The following ANK2 variants were observed in gnomAD, a reference collection of about 807,000 sequenced individuals.
ANK2 encodes ankyrin 2, also known as ankyrin-2.
ANK2 carries 83 observed loss-of-function variants against 360.5 expected under a neutral mutation model. The ratio of observed to expected loss-of-function variants is 0.23; its 90% CI spans 0.19 to 0.28. The LOEUF (loss-of-function observed/expected upper bound fraction) is 0.28. ANK2 is among the 10% of genes least tolerant of loss of function. The pLI, the probability that ANK2 is intolerant of heterozygous loss-of-function variation, is 1.00. For missense variants in ANK2, 4,201 were observed against 4,795.7 expected, an observed-to-expected ratio of 0.88 and a Z score of 3.66; for synonymous variants, 1,740 against 1,759.5, an observed-to-expected ratio of 0.99 and a Z score of 0.28.
At chr4:113,109,414 T>A (rs1201090261) in intron 1 of ANK2, among the ~76,000 whole-genome samples, 1 of 152,202 alleles carries the variant, frequency 6.6e-6, no homozygotes, top group Non-Finnish European at 1.5e-5. Flanking sequence ...TGAGTTTTGT[T>A]GTAAGTCTCG....
chr4:112,739,286 G>A, the ANK2 span, among the ~76,000 whole-genome samples: 6 of 152,138 alleles, frequency 3.9e-5, no homozygotes, highest in Non-Finnish European at 7.4e-5. Context: ...TTAGAAGCAC[G>A]CCACTGCGCC....
chr4:113,104,079 A>C (rs1006907137), intron 1 of ANK2, among the ~76,000 whole-genome samples: 1 of 152,140 alleles, frequency 6.6e-6, no homozygotes, highest in African/African-American at 2.4e-5. Flanking sequence ...TCCTTTGTCC[A>C]CATTGTCATT....
At chr4:112,719,726 CAAAA>C in the ANK2 span, among the ~76,000 whole-genome samples, 5 of 101,574 alleles carry the variant, frequency 4.9e-5, no homozygotes, top group East Asian at 2.8e-4. Context: ...GACTCCGACT[CAAAA>C]AAAAAAAAAA....
chr4:113,126,404 G>C lies in ANK2; in HGVS notation c.85-48012G>C, dbSNP rs114116857. ...AGTAGTACAAACTTCCTTATTTATG[G>C]CTCCTGCCTCAAACTGGGCCAGAAT... On this transcript the variant is annotated intron_variant, in intron 1 of 45. Coordinates refer to ENST00000357077, the MANE Select transcript of ANK2 (RefSeq NM_001148.6). Among the ~76,000 whole-genome samples the C allele has an allele frequency of 9.4e-3, 1,436 of 152,238 alleles. 9 individuals are homozygous for C. The highest frequency in any genetic ancestry group is 0.015 in the Non-Finnish European group (1,001 of 68,006).
intron 2 of ANK2, among the ~76,000 whole-genome samples, chr4:113,030,940 T>C (rs2060269460): frequency 6.6e-6 from 1 of 151,752 alleles, no homozygotes; most frequent in Non-Finnish European, 1.5e-5. Context: ...GGAAGAAAAA[T>C]GGGCTTGGTG....
chr4:113,058,591 T>C lies in ANK2; in HGVS notation c.84+8779T>C, dbSNP rs187823064. ...ATAATGCTTATCCCTAAAGAATCCC[T>C]TTTTCAGATGTTCTAAATGCTTGCC... On this transcript the variant is annotated intron_variant, in intron 1 of 45. Coordinates refer to ENST00000357077, the MANE Select transcript of ANK2 (RefSeq NM_001148.6). Among the ~76,000 whole-genome samples the C allele has an allele frequency of 2.6e-4, 40 of 152,238 alleles. 1 individual carries two copies. The highest frequency in any genetic ancestry group is 2.5e-3 in the South Asian group (12 of 4,828).
chr4:112,906,441 G>A (rs1277107810), intron 2 of ANK2, among the ~76,000 whole-genome samples: 1 of 152,174 alleles, frequency 6.6e-6, no homozygotes, highest in Non-Finnish European at 1.5e-5. Flanking sequence ...CGTCTGGATA[G>A]GGAAGTTGGG....
intron 2 of ANK2, among the ~76,000 whole-genome samples, chr4:112,997,429 C>T (rs539121829): frequency 7.2e-5 from 11 of 152,212 alleles, no homozygotes; most frequent in African/African-American, 2.6e-4. Flanking sequence ...CCTCCAAAAA[C>T]TACTGATATG....
rs150072829 is a variant in ANK2, at chr4:112,952,107, G to T, written c.21+47593G>T. Among the ~76,000 whole-genome samples the T allele has an allele frequency of 2.5e-3, 378 of 152,262 alleles. 1 individual carries two copies. Among genetic ancestry groups the T allele is most frequent in the South Asian group, 4.1e-3 (20 of 4,832 alleles). The stretch of plus-strand genomic sequence containing the variant: ...TATAGTGCTTGTAACTTTATGTTAT[G>T]CAAATATTCCCACTAACGTTGATGT... On this transcript the variant is annotated intron_variant, in intron 2 of 30. Transcript: ENST00000503271.
rs937300350 is a variant in ANK2, at chr4:112,958,242, C to T, written c.21+53728C>T. On this transcript the variant is annotated intron_variant, in intron 2 of 30. Coordinates refer to the ANK2 transcript ENST00000503271. Reference sequence around the variant, plus strand: ...TCGGCACTTTGGAGGCCAAGGCAGGCGGCTGGGAGGTGGAGGTTGTAGCGA... The same window carrying T: ...TCGGCACTTTGGAGGCCAAGGCAGGTGGCTGGGAGGTGGAGGTTGTAGCGA... 5.3e-5 allele frequency among the ~76,000 whole-genome samples: 8 copies of T among 152,316 alleles called. No homozygotes were observed. In the East Asian group the frequency reaches 1.4e-3, roughly 26 times the overall value.
At chr4:113,186,589 C>G (rs888928120) in intron 2 of ANK2, among the ~76,000 whole-genome samples, 1 of 116,576 alleles carries the variant, frequency 8.6e-6, no homozygotes, top group African/African-American at 3.2e-5. Flanking sequence ...TCTCTCTCTT[C>G]TCTCTCTCTC....
At chr4:113,068,690 G>C (rs927696702) in intron 1 of ANK2, among the ~76,000 whole-genome samples, 1 of 152,096 alleles carries the variant, frequency 6.6e-6, no homozygotes, top group African/African-American at 2.4e-5. Context: ...AGACAATAAA[G>C]ATAATAAACT....
chr4:113,160,862 G>A (rs1308341982), intron 1 of ANK2, among the ~76,000 whole-genome samples: 2 of 152,162 alleles, frequency 1.3e-5, no homozygotes, highest in African/African-American at 4.8e-5. Flanking sequence ...TGGGGACCCC[G>A]GAATAAATGG....
chr4:113,260,240 A>G (rs932329625), intron 13 of ANK2, among the ~76,000 whole-genome samples: 1 of 152,018 alleles, frequency 6.6e-6, no homozygotes, highest in African/African-American at 2.4e-5. Context: ...GTTATAATAT[A>G]CTCCCTTCTA....
chr4:113,291,178 C>T (rs775957806), intron 20 of ANK2, among the ~76,000 whole-genome samples: 19 of 152,280 alleles, frequency 1.2e-4, no homozygotes, highest in South Asian at 4.2e-4. Context: ...AATGAATTAA[C>T]TTGGCTGATA....
chr4:112,777,234 A>T, the ANK2 span, among the ~76,000 whole-genome samples: 3 of 151,956 alleles, frequency 2.0e-5, no homozygotes, highest in Admixed American at 6.6e-5. Context: ...GTAAATTTTT[A>T]TTTATTTATT....
chr4:113,140,565 T>C lies in ANK2; in HGVS notation c.85-33851T>C, dbSNP rs114731743. ...ATGTTCTTGAATAATCCTTGGATCT[T>C]GGAGGAGAGAAAAAAATTTAATTCA... On this transcript the variant is annotated intron_variant, in intron 1 of 45. Transcript: ENST00000357077. 3.2e-3 allele frequency among the ~76,000 whole-genome samples: 486 copies of C among 152,320 alleles called. 1 individual carries two copies. Among genetic ancestry groups the C allele is most frequent in the African/African-American group, 0.011 (463 of 41,580 alleles).
the ANK2 span, among the ~76,000 whole-genome samples, chr4:112,771,243 G>C: frequency 6.6e-6 from 1 of 152,144 alleles, no homozygotes; most frequent in Non-Finnish European, 1.5e-5. Context: ...CTCCCTAGTA[G>C]CTGGGATTAC....
chr4:113,196,915 C>A (rs1310967090), intron 3 of ANK2, among the ~76,000 whole-genome samples: 1 of 152,198 alleles, frequency 6.6e-6, no homozygotes, highest in Non-Finnish European at 1.5e-5. Context: ...CTCCATTAAA[C>A]TCTGCAGAGT....
Sources: allele counts gnomAD v4.1 joint callset (sites outside exome capture counted in the v4.1 genomes callset), GRCh38; gene constraint gnomAD v4.1.1; transcripts MANE v1.5; gene names NCBI Gene and HGNC (gene_info 2026-07-23, HGNC 2026-07-21).